Variants in ARID1B observed in about 807,000 individuals in gnomAD.
ARID1B encodes AT-rich interactive domain-containing protein 1B.
In ARID1B, 30 loss-of-function variants were observed where a neutral mutation model predicts 212.3. The ratio of observed to expected loss-of-function variants is 0.14; its 90% CI spans 0.11 to 0.19. ARID1B has a LOEUF of 0.19. Among genes scored for constraint, ARID1B ranks in the 10% least tolerant of loss-of-function variants. The pLI is 1.00. For missense variants in ARID1B, 2,891 were observed against 3,204.0 expected, an observed-to-expected ratio of 0.90 and a Z score of 2.36; for synonymous variants, 1,402 against 1,301.7, an observed-to-expected ratio of 1.08 and a Z score of -1.66.
In ARID1B at chr6:156,778,319, G is replaced by A. The variant is rs1425134285; in HGVS notation, c.639G>A (p.Gln213=). 6.5e-7 allele frequency: 1 copy of A among 1,545,094 alleles called. No individual in the cohort carries two copies. Among genetic ancestry groups the A allele is most frequent in the Non-Finnish European group, 8.7e-7 (1 of 1,146,796 alleles). The stretch of plus-strand genomic sequence containing the variant: ...AGCAGCAGCAGCAGCAGCAGCAACA[G>A]CAACATCCCATTTCCAACAACAACA... ...QQQQQQQQQQ[Q]QHPISNNNSL... The change falls in exon 1 of 20, where the codon CAG becomes CAA. Residue 213 remains glutamine, a synonymous_variant. Coordinates refer to ENST00000636930, the MANE Select transcript of ARID1B (RefSeq NM_001374828.1).
intron 4 of ARID1B, among the ~76,000 whole-genome samples, chr6:156,945,877 G>A (rs1016334381): frequency 1.3e-5 from 2 of 151,690 alleles, no homozygotes; most frequent in Admixed American, 6.6e-5. Flanking sequence ...GTGTGGTAGG[G>A]CATGCCTGTG....
At chr6:156,776,479 A>G (rs1778630781), upstream of ARID1B, 1 of 152,186 alleles carries the variant, frequency 6.6e-6, no homozygotes, top group Non-Finnish European at 1.5e-5. Flanking sequence ...TTAACTGTGC[A>G]CACGAAGCTC....
At chr6:156,822,222 G>A (rs1782400018) in intron 1 of ARID1B, among the ~76,000 whole-genome samples, 1 of 152,164 alleles carries the variant, frequency 6.6e-6, no homozygotes, top group African/African-American at 2.4e-5. Flanking sequence ...TTCCTGTATT[G>A]ACAAAAGAAG....
At chr6:156,971,674 G>C (rs537669081) in intron 4 of ARID1B, among the ~76,000 whole-genome samples, 70 of 152,236 alleles carry the variant, frequency 4.6e-4, no homozygotes, top group African/African-American at 1.6e-3. Flanking sequence ...TCTAGGGCTT[G>C]TGGGGGTTCC....
At chr6:156,793,863 T>G (rs1780177736) in intron 1 of ARID1B, among the ~76,000 whole-genome samples, 1 of 152,276 alleles carries the variant, frequency 6.6e-6, no homozygotes, top group Non-Finnish European at 1.5e-5. Flanking sequence ...TGACTACCAT[T>G]AATGCACTCC....
At chr6:157,181,210 G>C in intron 12 of ARID1B, 32 bp downstream of exon 12, 1 of 1,608,068 alleles carries the variant, frequency 6.2e-7, no homozygotes, top group East Asian at 2.2e-5. Context: ...GGTGAAAAAG[G>C]AAGCATTGTG....
intron 4 of ARID1B, chr6:156,985,161 A>G (rs1777849141): frequency 1.3e-5 from 2 of 152,244 alleles, no homozygotes; most frequent in Admixed American, 6.5e-5. Flanking sequence ...GGTCAGCTAC[A>G]TTTTTATTGA....
chr6:156,848,827 C>T lies in ARID1B; in HGVS notation c.1986+19406C>T, dbSNP rs550190225. On this transcript the variant is annotated intron_variant, in intron 2 of 19. Transcript: ENST00000636930. ...GAAGTGTGGGGAGGCCCTGCTGCCT[C>T]GCTAAGTCTTAGCTCTGTCATCATA... 1.1e-4 allele frequency among the ~76,000 whole-genome samples: 16 copies of T among 152,320 alleles called. No homozygotes were observed. The South Asian group carries it at 2.1e-3, about 20-fold the overall frequency.
rs1785492522 is a variant in ARID1B at position 157,094,582 on chromosome 6, T to C, written c.2491+9677T>C. Among the ~76,000 whole-genome samples the C allele has an allele frequency of 6.6e-6, 1 of 152,180 alleles. No individual in the cohort carries two copies. Among genetic ancestry groups the C allele is most frequent in the Non-Finnish European group, 1.5e-5 (1 of 68,042 alleles). ...GTTGGCCAGGCTGGTCTCGAACTCC[T>C]GACCTCTCGAAATCTGCCCATGTTG... is the stretch of plus-strand genomic sequence containing the variant. On this transcript the variant is annotated intron_variant, in intron 5 of 19. Transcript: ENST00000636930. This position sits in a 1 kb window ranked among gnomAD's most constrained non-coding sequence, Gnocchi z 4.3.
intron 1 of ARID1B, among the ~76,000 whole-genome samples, chr6:156,823,435 C>T (rs1423241578): frequency 2.0e-5 from 3 of 152,146 alleles, no homozygotes; most frequent in Non-Finnish European, 2.9e-5. Context: ...AATCCAGAGC[C>T]CCTACTTCCT....
At chr6:156,894,542 T>C (rs550572066) in intron 2 of ARID1B, among the ~76,000 whole-genome samples, 57 of 152,350 alleles carry the variant, frequency 3.7e-4, no homozygotes, top group African/African-American at 1.3e-3. Context: ...GTGCTCATTC[T>C]TTTACACAGC....
chr6:157,106,927 A>C (rs1354634931), intron 5 of ARID1B, among the ~76,000 whole-genome samples: 1 of 152,230 alleles, frequency 6.6e-6, no homozygotes, highest in East Asian at 1.9e-4. Flanking sequence ...CACTGTAATA[A>C]ATGTAAACAA....
intron 6 of ARID1B, among the ~76,000 whole-genome samples, chr6:157,118,362 A>G (rs955561548): frequency 2.6e-5 from 4 of 152,190 alleles, no homozygotes; most frequent in African/African-American, 9.7e-5. Flanking sequence ...GTTGTCAGAA[A>G]ATATTCTCTT....
In ARID1B at chr6:156,778,227, C is replaced by T. The variant is rs1426215828; in HGVS notation, c.547C>T (p.Leu183Phe). 1.3e-6 allele frequency: 2 copies of T among 1,540,796 alleles called. No individual in the cohort carries two copies. The highest frequency in any genetic ancestry group is 1.7e-6 in the Non-Finnish European group (2 of 1,146,528). ...AHHHHHHAHH[L>F]HHHHALQQQL... ...CCACCACCACCACCATGCCCACCAC[C>T]TCCACCACCACCACGCACTACAGCA... The change falls in exon 1 of 20, where the codon CTC (leucine) becomes TTC (phenylalanine). Residue 183 changes from leucine to phenylalanine, a missense_variant. Leu to Phe is a conservative substitution (Grantham distance 22). Coordinates refer to ENST00000636930, the MANE Select transcript of ARID1B (RefSeq NM_001374828.1).
At chr6:157,178,764 C>G (rs1024006645) in intron 11 of ARID1B, among the ~76,000 whole-genome samples, 6 of 152,148 alleles carry the variant, frequency 3.9e-5, no homozygotes, top group African/African-American at 1.4e-4. Context: ...AATATATAGT[C>G]AAACTGTGTC....
At chr6:156,926,472 T>A (rs1049504797) in intron 3 of ARID1B, among the ~76,000 whole-genome samples, 1 of 151,986 alleles carries the variant, frequency 6.6e-6, no homozygotes, top group Non-Finnish European at 1.5e-5. Flanking sequence ...AAAGCCAGAG[T>A]CAGTCTCAGC....
intron 1 of ARID1B, among the ~76,000 whole-genome samples, chr6:156,821,550 T>C (rs934351457): frequency 3.3e-5 from 5 of 152,242 alleles, no homozygotes; most frequent in African/African-American, 1.2e-4. Flanking sequence ...AAAGGATTTG[T>C]ATGTACATCA....
At chr6:156,812,263 C>T (rs1781605385) in intron 1 of ARID1B, among the ~76,000 whole-genome samples, 1 of 152,150 alleles carries the variant, frequency 6.6e-6, no homozygotes, top group African/African-American at 2.4e-5. Context: ...TCATGAGTAG[C>T]TGGGACTACA....
chr6:157,093,511 T>G (rs1785417303), intron 5 of ARID1B, among the ~76,000 whole-genome samples: 1 of 152,250 alleles, frequency 6.6e-6, no homozygotes, highest in African/African-American at 2.4e-5. Flanking sequence ...AAGAACAGAA[T>G]TGGTTTCGGC....
Sources: gnomAD v4.1 joint callset for allele counts (sites outside exome capture counted in the v4.1 genomes callset) on GRCh38, gnomAD v4.1.1 for gene constraint, Gnocchi (gnomAD v3.1) non-coding constraint, MANE v1.5 for transcripts, NCBI Gene and HGNC (gene_info 2026-07-23, HGNC 2026-07-21) for gene names.